The following CNTN5 variants were observed in gnomAD, a reference collection of about 807,000 sequenced individuals.
The protein encoded by CNTN5 is contactin 5.
A neutral mutation model predicts 129.1 loss-of-function variants in CNTN5; 77 were observed. The observed-to-expected ratio is 0.60, with a 90% confidence interval of 0.50 to 0.72. The LOEUF (loss-of-function observed/expected upper bound fraction) is 0.72, where lower values mean the gene tolerates loss of function less well. CNTN5 is among the 30% of genes least tolerant of loss of function. CNTN5 has a pLI of 0.00. For synonymous variants in CNTN5, 509 were observed against 465.6 expected, an observed-to-expected ratio of 1.09 and a Z score of -1.20; for missense variants, 1,478 against 1,328.8, an observed-to-expected ratio of 1.11 and a Z score of -1.75.
chr11:99,689,324 G>A (rs1045732999), intron 3 of CNTN5, among the ~76,000 whole-genome samples: 3 of 151,764 alleles, frequency 2.0e-5, no homozygotes, highest in South Asian at 2.1e-4. Context: ...TCAGGAGATC[G>A]AGACCATCCT....
chr11:99,159,195 C>T (rs1055344509), intron 1 of CNTN5, among the ~76,000 whole-genome samples: 1 of 152,082 alleles, frequency 6.6e-6, no homozygotes, highest in Non-Finnish European at 1.5e-5. Flanking sequence ...ATGTATATTT[C>T]CTGAAGAGCT....
intron 13 of CNTN5, among the ~76,000 whole-genome samples, chr11:100,166,257 C>T (rs931228208): frequency 6.6e-6 from 1 of 151,542 alleles, no homozygotes; most frequent in African/African-American, 2.4e-5. Flanking sequence ...GATTTTGAAC[C>T]AATTAGAGAT....
Position 99,883,345 on chromosome 11 carries a change from G to GGTCC in CNTN5, c.578-32708_578-32705dup, listed in dbSNP as rs1948820529. Among the ~76,000 whole-genome samples the GGTCC allele has an allele frequency of 2.0e-4, 30 of 152,200 alleles. 1 individual carries two copies. The South Asian group carries it at 6.2e-3, about 32-fold the overall frequency. On this transcript the variant is annotated intron_variant, in intron 6 of 24. Transcript: ENST00000524871. ...TACATTTCCACCAACAGTGTATGAG[G>GGTCC]GTCCCCTTTTCTCCCTATCCTTGCC...
intron 1 of CNTN5, among the ~76,000 whole-genome samples, chr11:99,048,381 C>T (rs1031976908): frequency 6.6e-6 from 1 of 152,090 alleles, no homozygotes; most frequent in African/African-American, 2.4e-5. Flanking sequence ...ACAAAAAGCA[C>T]ATTAATCAAC....
chr11:100,024,973 C>T (rs1941345846), intron 9 of CNTN5, among the ~76,000 whole-genome samples: 1 of 152,188 alleles, frequency 6.6e-6, no homozygotes, highest in Non-Finnish European at 1.5e-5. Flanking sequence ...AGGGGAAATT[C>T]AAGCAGGCTG....
chr11:99,553,757 A>G (rs1293069186), intron 2 of CNTN5, among the ~76,000 whole-genome samples: 3 of 151,960 alleles, frequency 2.0e-5, no homozygotes, highest in Non-Finnish European at 4.4e-5. Flanking sequence ...TTGTCAATAG[A>G]AAAAGCACAA....
chr11:99,631,878 A>G (rs1007128631), intron 3 of CNTN5, among the ~76,000 whole-genome samples: 2 of 152,196 alleles, frequency 1.3e-5, no homozygotes, highest in Admixed American at 1.3e-4. Context: ...ATACAATACA[A>G]GTAGGTATTT....
intron 2 of CNTN5, among the ~76,000 whole-genome samples, chr11:99,495,452 G>T (rs974995437): frequency 6.6e-6 from 1 of 152,166 alleles, no homozygotes; most frequent in Non-Finnish European, 1.5e-5. Context: ...GAGATATGGC[G>T]CTTTCTGGAA....
chr11:99,551,559 T>G lies in CNTN5; in HGVS notation c.-70-4586T>G, dbSNP rs117914288. ...GGTAGTTGTTATTAGGATAGTCAAG[T>G]ATCCCTTAATGACTGAGCCATATTC... On this transcript the variant is annotated intron_variant, in intron 2 of 24. Transcript: ENST00000524871. Among the ~76,000 whole-genome samples, 62 of 152,344 alleles carry G rather than the reference T, an allele frequency of 4.1e-4. No homozygotes were observed. The East Asian group carries it at 6.0e-3, about 15-fold the overall frequency.
intron 1 of CNTN5, among the ~76,000 whole-genome samples, chr11:99,082,545 A>C (rs528104169): frequency 1.3e-5 from 2 of 152,270 alleles, no homozygotes; most frequent in South Asian, 2.1e-4. Flanking sequence ...GACGCTTTTC[A>C]TTTTAGTGCA....
intron 1 of CNTN5, among the ~76,000 whole-genome samples, chr11:99,156,850 AT>A (rs1403562978): frequency 1.3e-5 from 2 of 152,022 alleles, no homozygotes; most frequent in Non-Finnish European, 2.9e-5. Flanking sequence ...ATAATGCAAT[AT>A]TTTTTAAACA....
At chr11:99,233,045 C>T (rs962129744) in intron 1 of CNTN5, among the ~76,000 whole-genome samples, 3 of 152,172 alleles carry the variant, frequency 2.0e-5, no homozygotes, top group African/African-American at 7.2e-5. Context: ...AAAAATAGTT[C>T]CTGAAGAATC....
In CNTN5 at chr11:99,446,738, C is replaced by T. The variant is rs143450321; in HGVS notation, c.-70-109407C>T. Among the ~76,000 whole-genome samples the T allele has an allele frequency of 8.3e-4, 127 of 152,284 alleles. No homozygotes were observed. In the East Asian group the frequency reaches 0.021, roughly 25 times the overall value. On this transcript the variant is annotated intron_variant, in intron 2 of 24. Transcript: ENST00000524871. Reference sequence around the variant, plus strand: ...TATTTCTGCCACCAAAGATCTCTTGCCTATTAACTCAATAGGCTATGTACT... The same window carrying T: ...TATTTCTGCCACCAAAGATCTCTTGTCTATTAACTCAATAGGCTATGTACT...
intron 6 of CNTN5, among the ~76,000 whole-genome samples, chr11:99,852,430 A>T (rs575141260): frequency 1.3e-5 from 2 of 152,202 alleles, no homozygotes; most frequent in African/African-American, 4.8e-5. Flanking sequence ...TCTTGCCTCA[A>T]TCTTCCAAAA....
intron 2 of CNTN5, among the ~76,000 whole-genome samples, chr11:99,401,460 A>G (rs1941803624): frequency 6.6e-6 from 1 of 152,000 alleles, no homozygotes; most frequent in African/African-American, 2.4e-5. Context: ...ATGCCAGTAC[A>G]ATATCATGTT....
intron 8 of CNTN5, among the ~76,000 whole-genome samples, chr11:99,965,891 A>G (rs1339067956): frequency 6.6e-6 from 1 of 152,174 alleles, no homozygotes; most frequent in East Asian, 1.9e-4. Flanking sequence ...CGTTCATAAG[A>G]AGGACACTTT....
At chr11:99,111,586 T>C (rs1004602112) in intron 1 of CNTN5, among the ~76,000 whole-genome samples, 1 of 151,994 alleles carries the variant, frequency 6.6e-6, no homozygotes, top group Admixed American at 6.6e-5. Flanking sequence ...AGTAATTCAG[T>C]CAAGATCTTC....
intron 13 of CNTN5, among the ~76,000 whole-genome samples, chr11:100,096,125 A>G (rs151079055): frequency 3.9e-4 from 60 of 152,132 alleles, no homozygotes; most frequent in African/African-American, 1.3e-3. Flanking sequence ...CTGGCACCAA[A>G]TTGAAATTCC....
intron 9 of CNTN5, among the ~76,000 whole-genome samples, chr11:100,040,408 C>T (rs147241165): frequency 0.041 from 6,319 of 152,284 alleles, 153 homozygotes; most frequent in African/African-American, 0.07. Context: ...TTAGGCTACT[C>T]GGGGGTCATG....
Sources: allele counts gnomAD v4.1 joint callset (sites outside exome capture counted in the v4.1 genomes callset), GRCh38; gene constraint gnomAD v4.1.1; transcripts MANE v1.5; gene names NCBI Gene and HGNC (gene_info 2026-07-23, HGNC 2026-07-21).